Variants in NSUN7 observed in about 807,000 individuals in gnomAD.
NSUN7 encodes NOP2/Sun RNA methyltransferase family member 7, also known as protein NSUN7.
Under a neutral mutation model 58.5 loss-of-function variants are expected in NSUN7, and 39 were observed. The ratio of observed to expected loss-of-function variants is 0.67; its 90% CI spans 0.52 to 0.87. The LOEUF is 0.87. Among genes scored for constraint, NSUN7 ranks in the 40% least tolerant of loss-of-function variants. The pLI is 0.00. For synonymous variants in NSUN7, 278 were observed against 303.7 expected (o/e 0.92, Z 0.88); for missense variants, 765 against 844.1 (o/e 0.91, Z 1.16).
At chr4:40,808,117 TTTG>T (rs902621296) in intron 11 of NSUN7, among the ~76,000 whole-genome samples, 187 bp from the exon 12 acceptor site, 2 of 152,046 alleles carry the variant, frequency 1.3e-5, no homozygotes, top group Non-Finnish European at 2.9e-5. Flanking sequence ...AAGTTTTTTT[TTTG>T]TTTGTTTTTT....
chr4:40,791,897 G>A (rs1349757673), intron 8 of NSUN7, among the ~76,000 whole-genome samples: 2 of 152,156 alleles, frequency 1.3e-5, no homozygotes, highest in Non-Finnish European at 2.9e-5. Context: ...CCAAGACTCA[G>A]AAAAATTAAA....
At chr4:40,761,370 T>C (rs996471859) in intron 4 of NSUN7, 69 bp downstream of exon 4, 250 of 1,236,278 alleles carry the variant, frequency 2.0e-4, no homozygotes, top group Non-Finnish European at 2.6e-4. Context: ...TAAAATTACA[T>C]ACAGTATAAT....
intron 7 of NSUN7, among the ~76,000 whole-genome samples, chr4:40,789,216 T>C (rs1167648362): frequency 3.3e-5 from 5 of 152,276 alleles, no homozygotes; most frequent in Middle Eastern, 3.4e-3. Flanking sequence ...AAGAGGAACA[T>C]GTTAAACTGC....
At chr4:40,756,851 T>C in intron 2 of NSUN7, among the ~76,000 whole-genome samples, 1 of 148,602 alleles carries the variant, frequency 6.7e-6, no homozygotes, top group East Asian at 1.9e-4. Flanking sequence ...ATGTAAAAGC[T>C]ATACACATTC....
intron 7 of NSUN7, among the ~76,000 whole-genome samples, chr4:40,788,353 G>C (rs887514490): frequency 6.6e-6 from 1 of 152,160 alleles, no homozygotes; most frequent in Non-Finnish European, 1.5e-5. Context: ...GTGAGTTTAG[G>C]TAGTAAAGAA....
intron 11 of NSUN7, among the ~76,000 whole-genome samples, chr4:40,807,910 C>T (rs2154289661): frequency 6.6e-6 from 1 of 151,532 alleles, no homozygotes; most frequent in South Asian, 2.1e-4. Flanking sequence ...TGTGGTGGCA[C>T]ATGCCTATAA....
At chr4:40,771,189 G>A (rs557283795) in intron 4 of NSUN7, among the ~76,000 whole-genome samples, 8 of 152,306 alleles carry the variant, frequency 5.3e-5, no homozygotes, top group South Asian at 2.1e-4. Context: ...GGGCGGTGAT[G>A]TAGCGATGCT....
intron 2 of NSUN7, among the ~76,000 whole-genome samples, chr4:40,753,360 T>A (rs1740933704): frequency 6.6e-6 from 1 of 151,314 alleles, no homozygotes; most frequent in Admixed American, 6.6e-5. Flanking sequence ...CACTGCAACC[T>A]CTGCCACCCA....
intron 7 of NSUN7, among the ~76,000 whole-genome samples, chr4:40,783,593 A>T (rs1742676130): frequency 6.6e-6 from 1 of 152,188 alleles, no homozygotes; most frequent in African/African-American, 2.4e-5. Context: ...CATGCCTGTA[A>T]TCTCAGCACT....
intron 9 of NSUN7, 120 bp downstream of exon 9, chr4:40,794,596 A>G (rs542107084): frequency 3.5e-6 from 2 of 576,932 alleles, no homozygotes; most frequent in African/African-American, 3.8e-5. Flanking sequence ...TTTCCAGAAC[A>G]TTCAGTCTTA....
At chr4:40,768,999 A>G (rs991863946) in intron 4 of NSUN7, among the ~76,000 whole-genome samples, 3 of 152,224 alleles carry the variant, frequency 2.0e-5, no homozygotes, top group African/African-American at 7.2e-5. Flanking sequence ...CTTCCACTTC[A>G]CAGCTAAGGC....
At chr4:40,774,511 C>A (rs556122736) in intron 5 of NSUN7, 94 bp downstream of exon 5, 3 of 1,250,870 alleles carry the variant, frequency 2.4e-6, no homozygotes, top group Admixed American at 3.9e-5. Context: ...GTGGGGGTGG[C>A]ACATCTAGGG....
Position 40,807,098 on chromosome 4 carries a change from G to A in NSUN7, c.1438G>A (p.Glu480Lys). 6.4e-7 allele frequency: 1 copy of A among 1,551,648 alleles called. No homozygotes were observed. Among genetic ancestry groups the A allele is most frequent in the East Asian group, 2.4e-5 (1 of 40,898 alleles). Residue 480 changes from glutamate to lysine, a missense_variant, in exon 11 of 12, where the codon GAA becomes AAA. Glu to Lys is a moderately conservative substitution (Grantham distance 56). Transcript: ENST00000381782. The stretch of plus-strand genomic sequence containing the variant: ...TGTTCTTCCACTGTGCTCCTTAAAG[G>A]AAATTCAATTGTCTACTGATAAATT... ...PPVLPLCSLKEIQLSTDKFFR... is the reference protein window; with the variant it reads ...PPVLPLCSLKKIQLSTDKFFR...
At chr4:40,768,699 C>T (rs951461230) in intron 4 of NSUN7, among the ~76,000 whole-genome samples, 4 of 152,032 alleles carry the variant, frequency 2.6e-5, no homozygotes, top group Non-Finnish European at 4.4e-5. Flanking sequence ...CAAGATGATA[C>T]CTATTATCAT....
At chr4:40,757,569 TA>T (rs1396187449) in intron 2 of NSUN7, among the ~76,000 whole-genome samples, 1 of 142,928 alleles carries the variant, frequency 7.0e-6, no homozygotes, top group East Asian at 2.0e-4. Context: ...TATATATATA[TA>T]AATTGCATAT....
Position 40,807,095 on chromosome 4 carries a change from A to T in NSUN7, c.1435A>T (p.Lys479Ter). 1.3e-6 allele frequency: 2 copies of T among 1,551,770 alleles called. No homozygotes were observed. The highest frequency in any genetic ancestry group is 1.7e-6 in the Non-Finnish European group (2 of 1,146,930). ...SPPVLPLCSL[K>*]EIQLSTDKFF... is the part of the protein sequence containing the mutation. ...TCCTGTTCTTCCACTGTGCTCCTTA[A>T]AGGAAATTCAATTGTCTACTGATAA... The change falls in exon 11 of 12, where the codon AAG (lysine) becomes TAG (stop). Residue 479 changes from lysine to a stop codon, truncating the protein, a stop_gained. Coordinates refer to ENST00000381782, the MANE Select transcript of NSUN7 (RefSeq NM_024677.6). LOFTEE classifies it high-confidence loss of function.
intron 2 of NSUN7, among the ~76,000 whole-genome samples, chr4:40,756,924 A>C (rs1741169543): frequency 6.6e-6 from 1 of 152,204 alleles, no homozygotes; most frequent in East Asian, 1.9e-4. Context: ...GTATTTAATA[A>C]GTTACATAAA....
At position 40,809,210 on chromosome 4, in the gene NSUN7, C is replaced by T; in HGVS notation, c.*271C>T. 3.3e-6 allele frequency: 1 copy of T among 305,258 alleles called. No homozygotes were observed. Among genetic ancestry groups the T allele is most frequent in the Non-Finnish European group, 6.0e-6 (1 of 166,266 alleles). 18.9% of individuals were successfully genotyped at this position (305,258 alleles called of 1,614,324 possible). A position where few individuals can be genotyped will look rare whatever the true frequency, so the allele number is the denominator to read the frequency against. The stretch of plus-strand genomic sequence containing the variant: ...GTATCAGCGGTCAGAACTTATCTCA[C>T]TCCTGTGAACTTTCAGGCTGGACTT... On this transcript the variant is annotated 3_prime_UTR_variant, in exon 12 of 12. Coordinates refer to ENST00000381782, the MANE Select transcript of NSUN7 (RefSeq NM_024677.6).
chr4:40,780,815 T>A (rs866046665), intron 7 of NSUN7, among the ~76,000 whole-genome samples: 321 of 57,822 alleles, frequency 5.6e-3, no homozygotes, highest in Middle Eastern at 0.012. Flanking sequence ...ATATATATAT[T>A]TTTTTTTTTT....
Sources: gnomAD v4.1 joint callset for allele counts (sites outside exome capture counted in the v4.1 genomes callset) on GRCh38, gnomAD v4.1.1 for gene constraint, MANE v1.5 for transcripts, NCBI Gene and HGNC (gene_info 2026-07-23, HGNC 2026-07-21) for gene names.